The following NRG3 variants were observed in gnomAD, a reference collection of about 807,000 sequenced individuals.
NRG3 encodes neuregulin 3.
A neutral mutation model predicts 66.9 loss-of-function variants in NRG3; 31 were observed. The observed-to-expected ratio is 0.46, with a 90% CI of 0.35 to 0.63. The LOEUF is 0.63. Among genes scored for constraint, NRG3 ranks in the 20% least tolerant of loss-of-function variants. The probability of loss-of-function intolerance (pLI) is 0.00; values close to 1 mark genes in which losing one functional copy is unlikely to be tolerated. For missense variants in NRG3, 910 were observed against 878.9 expected (o/e 1.04, Z -0.45); for synonymous variants, 393 against 359.4 (o/e 1.09, Z -1.06).
chr10:82,286,908 A>G (rs1453130460), intron 1 of NRG3, among the ~76,000 whole-genome samples: 1 of 152,172 alleles, frequency 6.6e-6, no homozygotes, highest in African/African-American at 2.4e-5. Context: ...TTCTTATAGG[A>G]AGACACAATC....
At chr10:82,226,078 T>G (rs530267460) in intron 1 of NRG3, among the ~76,000 whole-genome samples, 2 of 152,248 alleles carry the variant, frequency 1.3e-5, no homozygotes, top group South Asian at 4.1e-4. Flanking sequence ...ACCCCAAGAA[T>G]CTATCCATAT....
intron 2 of NRG3, among the ~76,000 whole-genome samples, chr10:82,565,305 A>T (rs1445693097): frequency 1.3e-5 from 2 of 152,020 alleles, no homozygotes; most frequent in Non-Finnish European, 2.9e-5. Context: ...GAGAGTGAAT[A>T]TGGGTTCTGA....
At chr10:82,940,329 C>T (rs948594278) in intron 4 of NRG3, among the ~76,000 whole-genome samples, 2 of 152,072 alleles carry the variant, frequency 1.3e-5, no homozygotes, top group East Asian at 3.9e-4. Flanking sequence ...TCTTTCTTGC[C>T]TCTTTCTTAG....
chr10:82,444,863 A>C (rs992453865), intron 2 of NRG3, among the ~76,000 whole-genome samples: 23 of 152,236 alleles, frequency 1.5e-4, no homozygotes, highest in African/African-American at 5.3e-4. Context: ...TGTTATTATC[A>C]GATTCTTTGT....
chr10:82,496,007 C>T (rs985055255), intron 2 of NRG3, among the ~76,000 whole-genome samples: 13 of 152,102 alleles, frequency 8.5e-5, no homozygotes, highest in East Asian at 7.7e-4. Context: ...CATTTATTGA[C>T]GTTCATAAAG....
At chr10:82,018,688 T>C (rs1296146811) in intron 1 of NRG3, among the ~76,000 whole-genome samples, 3 of 152,208 alleles carry the variant, frequency 2.0e-5, no homozygotes, top group African/African-American at 7.2e-5. Flanking sequence ...TTGTATTCTC[T>C]TTGAAGCAAT....
At chr10:82,879,391 A>T (rs1241556639) in intron 4 of NRG3, among the ~76,000 whole-genome samples, 1 of 152,166 alleles carries the variant, frequency 6.6e-6, no homozygotes, top group East Asian at 1.9e-4. Context: ...ATTAATTCTC[A>T]ATCAGCGATC....
chr10:81,988,419 G>A (rs2060608285), intron 1 of NRG3, among the ~76,000 whole-genome samples: 1 of 152,122 alleles, frequency 6.6e-6, no homozygotes, highest in Non-Finnish European at 1.5e-5. Flanking sequence ...AGGAACAGAT[G>A]GCTCTTAGTG....
At chr10:82,280,380 A>T (rs1255682372) in intron 1 of NRG3, among the ~76,000 whole-genome samples, 1 of 152,054 alleles carries the variant, frequency 6.6e-6, no homozygotes, top group African/African-American at 2.4e-5. Context: ...AATGTGATGG[A>T]CCTTGGAAAA....
At chr10:82,363,174 A>T (rs1024652625) in intron 2 of NRG3, among the ~76,000 whole-genome samples, 1 of 152,202 alleles carries the variant, frequency 6.6e-6, no homozygotes, top group African/African-American at 2.4e-5. Flanking sequence ...TAAAAGCTCA[A>T]TAGGGAAATT....
chr10:82,473,339 C>T (rs769853710), intron 2 of NRG3, among the ~76,000 whole-genome samples: 1 of 152,128 alleles, frequency 6.6e-6, no homozygotes, highest in Non-Finnish European at 1.5e-5. Context: ...GGATTATAGA[C>T]CAAATGCAGC....
At chr10:82,009,676 G>A (rs2061503764) in intron 1 of NRG3, among the ~76,000 whole-genome samples, 2 of 149,868 alleles carry the variant, frequency 1.3e-5, no homozygotes, top group Admixed American at 1.4e-4. Context: ...ACTCTCAATA[G>A]AATTTTACAT....
At chr10:82,330,111 A>G (rs564269785) in intron 1 of NRG3, among the ~76,000 whole-genome samples, 68 of 152,316 alleles carry the variant, frequency 4.5e-4, no homozygotes, top group African/African-American at 1.6e-3. Flanking sequence ...AGTTAGGAAC[A>G]ACTTAATAAG....
At chr10:82,176,303 C>G (rs1406307064) in intron 1 of NRG3, among the ~76,000 whole-genome samples, 1 of 152,116 alleles carries the variant, frequency 6.6e-6, no homozygotes, top group Non-Finnish European at 1.5e-5. Flanking sequence ...GAGAGAACTC[C>G]TCTTTCCCAA....
intron 2 of NRG3, among the ~76,000 whole-genome samples, chr10:82,405,278 C>G (rs928951237): frequency 1.9e-4 from 29 of 152,192 alleles, no homozygotes; most frequent in South Asian, 2.1e-4. Context: ...TAAGGGAGAG[C>G]AGCCCTTGCA....
At chr10:82,376,549 G>T (rs926670765) in intron 2 of NRG3, among the ~76,000 whole-genome samples, 2 of 152,168 alleles carry the variant, frequency 1.3e-5, no homozygotes, top group Non-Finnish European at 2.9e-5. Flanking sequence ...ATCTGGTGGG[G>T]TCCTTTACAC....
At chr10:82,728,187 G>C (rs535277607) in intron 2 of NRG3, among the ~76,000 whole-genome samples, 1 of 152,226 alleles carries the variant, frequency 6.6e-6, no homozygotes, top group African/African-American at 2.4e-5. Context: ...AAGACTTTGG[G>C]GGACTGTAGG....
At chr10:82,440,268 T>G (rs1048256291) in intron 2 of NRG3, among the ~76,000 whole-genome samples, 1 of 151,936 alleles carries the variant, frequency 6.6e-6, no homozygotes, top group Admixed American at 6.5e-5. Context: ...ATATCTCCTC[T>G]GTGTACATAC....
intron 2 of NRG3, among the ~76,000 whole-genome samples, chr10:82,361,927 TA>T (rs1035269085): frequency 3.8e-4 from 57 of 151,608 alleles, no homozygotes; most frequent in African/African-American, 7.0e-4. Flanking sequence ...TTTCCTAGAT[TA>T]AAAAAAATTG....
Sources: allele counts gnomAD v4.1 joint callset (sites outside exome capture counted in the v4.1 genomes callset), GRCh38; gene constraint gnomAD v4.1.1; transcripts MANE v1.5; gene names NCBI Gene and HGNC (gene_info 2026-07-23, HGNC 2026-07-21).